Variants in RBPJ observed in about 807,000 individuals in gnomAD.
The protein encoded by RBPJ is recombination signal binding protein for immunoglobulin kappa J region, also known as recombining binding protein suppressor of hairless.
In RBPJ, 9 loss-of-function variants were observed where a neutral mutation model predicts 67.8. That is an observed-to-expected ratio of 0.13 (90% CI 0.08 to 0.23). The LOEUF (loss-of-function observed/expected upper bound fraction) is 0.23. Among genes scored for constraint, RBPJ ranks in the 10% least tolerant of loss-of-function variants. The pLI, the probability that RBPJ is intolerant of heterozygous loss-of-function variation, is 1.00. For missense variants in RBPJ, 305 were observed against 595.6 expected, an observed-to-expected ratio of 0.51 and a Z score of 5.08; for synonymous variants, 198 against 203.3, an observed-to-expected ratio of 0.97 and a Z score of 0.22.
chr4:26,284,182 T>C, intron 1 of RBPJ, among the ~76,000 whole-genome samples: 1 of 152,172 alleles, frequency 6.6e-6, no homozygotes, highest in East Asian at 1.9e-4. Context: ...AAGTGAGAAA[T>C]AAGCTGTGAA....
intron 1 of RBPJ, among the ~76,000 whole-genome samples, chr4:26,335,381 C>G (rs1438473287): frequency 6.6e-6 from 1 of 151,840 alleles, no homozygotes; most frequent in Admixed American, 6.6e-5. Context: ...AGGGTTTCAC[C>G]ATGTTGGCCA....
At chr4:26,166,802 C>T (rs1458739320) in intron 1 of RBPJ, among the ~76,000 whole-genome samples, 2 of 152,090 alleles carry the variant, frequency 1.3e-5, no homozygotes, top group African/African-American at 4.8e-5. Flanking sequence ...ATGCCTATGT[C>T]CTGAATGGTA....
At chr4:26,368,858 A>G (rs1577540392) in intron 1 of RBPJ, among the ~76,000 whole-genome samples, 3 of 152,266 alleles carry the variant, frequency 2.0e-5, no homozygotes, top group Admixed American at 6.5e-5. Flanking sequence ...GATAAATGAC[A>G]CAAATATGCT....
At chr4:26,344,206 T>C (rs568561845) in intron 1 of RBPJ, among the ~76,000 whole-genome samples, 1 of 151,812 alleles carries the variant, frequency 6.6e-6, no homozygotes, top group East Asian at 2.0e-4. Flanking sequence ...TAATATGTTA[T>C]TGAGACATAT....
chr4:26,244,783 G>T (rs1719871620), intron 1 of RBPJ, among the ~76,000 whole-genome samples: 1 of 151,676 alleles, frequency 6.6e-6, no homozygotes, highest in African/African-American at 2.4e-5. Flanking sequence ...CACCACTTCA[G>T]GCCCACACAC....
At chr4:26,185,940 G>A (rs1268073889) in intron 1 of RBPJ, among the ~76,000 whole-genome samples, 2 of 152,158 alleles carry the variant, frequency 1.3e-5, no homozygotes, top group African/African-American at 4.8e-5. Context: ...CAGCTACTTA[G>A]GAGGCTGAGG....
At chr4:26,235,745 C>T (rs1179510987) in intron 1 of RBPJ, among the ~76,000 whole-genome samples, 1 of 152,232 alleles carries the variant, frequency 6.6e-6, no homozygotes, top group Non-Finnish European at 1.5e-5. Context: ...TTATGTTTTC[C>T]TGTCCTTTGC....
chr4:26,272,808 AT>A (rs986298331), intron 1 of RBPJ: 1 of 431,802 alleles, frequency 2.3e-6, no homozygotes, highest in Admixed American at 2.6e-5. Context: ...GGAAAGTCCT[AT>A]TGGATCTGCA....
In RBPJ at chr4:26,430,215, T is replaced by A; in HGVS notation, c.1044+162T>A. On this transcript the variant is annotated intron_variant, in intron 9 of 10. Transcript: ENST00000355476. This position sits in a 1 kb window ranked among gnomAD's most constrained non-coding sequence, Gnocchi z 4.1. ...TGATTTAAAGAAAAAAAAACAAAAT[T>A]AGGAGGAGCGTACTTGCCAGAAAAT... 1 of 934,854 alleles carries A rather than the reference T, an allele frequency of 1.1e-6. No individual in the cohort carries two copies. Among genetic ancestry groups the A allele is most frequent in the Non-Finnish European group, 1.6e-6 (1 of 614,820 alleles). 57.9% of individuals were successfully genotyped at this position (934,854 alleles called of 1,614,324 possible).
chr4:26,351,524 G>A (rs1165279667), intron 1 of RBPJ, among the ~76,000 whole-genome samples: 2 of 152,154 alleles, frequency 1.3e-5, no homozygotes, highest in African/African-American at 4.8e-5. Context: ...GGGACTACAG[G>A]TGTGTGCCAC....
chr4:26,158,945 T>TTCTCTCTCTCTCTCTC (rs5856933), upstream of RBPJ, among the ~76,000 whole-genome samples: 350 of 136,832 alleles, frequency 2.6e-3, 14 homozygotes, highest in South Asian at 7.9e-3. Flanking sequence ...CTCTCTCTCT[T>TTCTCTCTCTCTCTCTC]TCTCTCTCTC....
intron 1 of RBPJ, among the ~76,000 whole-genome samples, chr4:26,183,644 G>A (rs1404776717): frequency 6.6e-6 from 1 of 152,154 alleles, no homozygotes; most frequent in Non-Finnish European, 1.5e-5. Flanking sequence ...GGTTAGTGGT[G>A]GGCTAGGACC....
At chr4:26,351,487 C>A (rs1486892027) in intron 1 of RBPJ, among the ~76,000 whole-genome samples, 1 of 152,156 alleles carries the variant, frequency 6.6e-6, no homozygotes, top group African/African-American at 2.4e-5. Context: ...CTCAGGCAAT[C>A]CTCCCACCTC....
At position 26,415,577 on chromosome 4, in the gene RBPJ, G is replaced by A. The variant is rs1064366; in HGVS notation, c.258G>A (p.Pro86=). ...GTTGTTCTGAACAAGAGTCTCAACCGTGTGCATTTATTGGGATAGGAAATA... is the reference window on the plus strand; with the variant it reads ...GTTGTTCTGAACAAGAGTCTCAACCATGTGCATTTATTGGGATAGGAAATA... ...RDGCSEQESQ[P]CAFIGIGNSD... Residue 86 remains proline (P), a synonymous_variant, in exon 4 of 11, where the codon CCG becomes CCA. Transcript: ENST00000355476. 360 of 1,611,978 alleles carry A rather than the reference G, an allele frequency of 2.2e-4. 1 individual carries two copies. The highest frequency in any genetic ancestry group is 5.3e-4 in the South Asian group (48 of 90,414).
At chr4:26,155,940 G>T in the RBPJ span, among the ~76,000 whole-genome samples, 1 of 152,092 alleles carries the variant, frequency 6.6e-6, no homozygotes, top group African/African-American at 2.4e-5. Flanking sequence ...TTTTATCTGT[G>T]TAATCCAGGT....
rs770864067 is a variant in RBPJ at position 26,406,204 on chromosome 4, G to T, written c.89G>T (p.Arg30Leu). The change falls in exon 3 of 11, where the codon CGA becomes CTA. Residue 30 changes from arginine (R) to leucine (L), a missense_variant. By Grantham distance (102) the Arg-to-Leu change is moderately radical (BLOSUM62 -2). This residue lies in a region of RBPJ where 42 missense variants were observed against 43.6 expected (regional missense o/e 0.96). Transcript: ENST00000355476. ...REAMRNYLKE[R>L]GDQTVLILHA... ...GCTATGCGAAATTATTTAAAAGAGC[G>T]AGGGGATCAAACAGTACTTATTCTT... is the stretch of plus-strand genomic sequence containing the variant. The T allele has an allele frequency of 6.2e-7, 1 of 1,612,170 alleles. No homozygotes were observed. Among genetic ancestry groups the T allele is most frequent in the Non-Finnish European group, 8.5e-7 (1 of 1,178,700 alleles).
intron 5 of RBPJ, among the ~76,000 whole-genome samples, chr4:26,422,726 A>G (rs965881507): frequency 6.6e-6 from 1 of 152,208 alleles, no homozygotes; most frequent in Non-Finnish European, 1.5e-5. Flanking sequence ...ACAGAGTTGC[A>G]CCATACAGTG....
chr4:26,406,717 G>A (rs1344179440), intron 3 of RBPJ, among the ~76,000 whole-genome samples: 4 of 152,188 alleles, frequency 2.6e-5, no homozygotes, highest in African/African-American at 7.2e-5. Flanking sequence ...TCCTAAATAC[G>A]TTAAGTGCAA....
intron 2 of RBPJ, among the ~76,000 whole-genome samples, chr4:26,397,656 C>T (rs1164463637): frequency 3.3e-5 from 5 of 152,088 alleles, no homozygotes; most frequent in African/African-American, 1.2e-4. Context: ...TTTTTTGAGA[C>T]AGAGTCTCAC....
Sources: allele counts gnomAD v4.1 joint callset (sites outside exome capture counted in the v4.1 genomes callset), GRCh38; gene constraint gnomAD v4.1.1; regional missense constraint gnomAD v4.1.1; non-coding constraint Gnocchi (gnomAD v3.1); transcripts MANE v1.5; gene names NCBI Gene and HGNC (gene_info 2026-07-23, HGNC 2026-07-21).